ZNF475: variants seen among roughly 807,000 people sequenced by gnomAD.
ZNF475 encodes zinc finger protein 475.
chr5:122,172,665 T>C, the ZNF475 span, among the ~76,000 whole-genome samples: 3 of 152,232 alleles, frequency 2.0e-5, no homozygotes, highest in Non-Finnish European at 2.9e-5. Flanking sequence ...AACTCCCTTG[T>C]AAATAACATC....
At chr5:122,161,664 T>G in the ZNF475 span, among the ~76,000 whole-genome samples, 1 of 152,154 alleles carries the variant, frequency 6.6e-6, no homozygotes, top group African/African-American at 2.4e-5. Context: ...TCTCTTTAAT[T>G]ATATGCACTG....
chr5:122,174,542 A>G, the ZNF475 span, among the ~76,000 whole-genome samples: 2 of 152,220 alleles, frequency 1.3e-5, no homozygotes, highest in African/African-American at 2.4e-5. Context: ...CCACAAATAT[A>G]GAGCATGGGA....
At chr5:122,175,432 T>A in the ZNF475 span, among the ~76,000 whole-genome samples, 1 of 152,182 alleles carries the variant, frequency 6.6e-6, no homozygotes, top group Admixed American at 6.5e-5. Context: ...AAAGAGCATA[T>A]TGAAAAAAAG....
At chr5:122,175,034 G>A in the ZNF475 span, among the ~76,000 whole-genome samples, 1 of 152,004 alleles carries the variant, frequency 6.6e-6, no homozygotes, top group South Asian at 2.1e-4. Flanking sequence ...GAAAAAGAAG[G>A]ATAAATAACT....
chr5:122,174,400 T>C, the ZNF475 span, among the ~76,000 whole-genome samples: 1 of 152,200 alleles, frequency 6.6e-6, no homozygotes, highest in Non-Finnish European at 1.5e-5. Context: ...TTATCTCTGT[T>C]CAGACCCACG....
At chr5:122,171,902 C>G in the ZNF475 span, among the ~76,000 whole-genome samples, 1 of 152,030 alleles carries the variant, frequency 6.6e-6, no homozygotes, top group Non-Finnish European at 1.5e-5. Context: ...CCATGCCCAG[C>G]TAATTTTTAT....
the ZNF475 span, chr5:122,182,347 G>C: frequency 1.9e-5 from 11 of 584,624 alleles, no homozygotes; most frequent in Non-Finnish European, 1.4e-5. Flanking sequence ...TCAGTCAACA[G>C]GTATTTCCTG....
At chr5:122,169,203 G>A in the ZNF475 span, among the ~76,000 whole-genome samples, 2 of 152,114 alleles carry the variant, frequency 1.3e-5, no homozygotes, top group South Asian at 4.1e-4. Flanking sequence ...CTTGGCTGAG[G>A]GAGTTCTCCT....
chr5:122,174,206 C>T, the ZNF475 span, among the ~76,000 whole-genome samples: 1 of 152,136 alleles, frequency 6.6e-6, no homozygotes, highest in African/African-American at 2.4e-5. Context: ...CTCTCCATCC[C>T]CCACATATCC....
the ZNF475 span, chr5:122,179,792 G>C: frequency 8.5e-7 from 1 of 1,173,340 alleles, no homozygotes; most frequent in East Asian, 2.8e-5. Flanking sequence ...AAACTAATAA[G>C]AGCAGAAGTA....
the ZNF475 span, among the ~76,000 whole-genome samples, chr5:122,178,503 T>G: frequency 1.3e-5 from 2 of 152,268 alleles, no homozygotes; most frequent in African/African-American, 4.8e-5. Flanking sequence ...ATGAGTTTTT[T>G]CATATGTTTT....
At chr5:122,166,611 T>TTA in the ZNF475 span, among the ~76,000 whole-genome samples, 4 of 152,068 alleles carry the variant, frequency 2.6e-5, no homozygotes, top group African/African-American at 9.7e-5. Context: ...TCTGTCCTTG[T>TTA]GATTGCTGAA....
the ZNF475 span, among the ~76,000 whole-genome samples, chr5:122,164,593 C>T: frequency 6.6e-6 from 1 of 152,132 alleles, no homozygotes; most frequent in Non-Finnish European, 1.5e-5. Context: ...GGGTAACTCA[C>T]CCCAGCAGCC....
At chr5:122,182,482 A>G in the ZNF475 span, 20 of 1,436,344 alleles carry the variant, frequency 1.4e-5, no homozygotes, top group South Asian at 2.4e-4. Flanking sequence ...TTTTCCTTTA[A>G]CTTTCCAGCC....
At chr5:122,169,101 C>A in the ZNF475 span, among the ~76,000 whole-genome samples, 2 of 152,160 alleles carry the variant, frequency 1.3e-5, no homozygotes, top group Non-Finnish European at 2.9e-5. Context: ...CTCTAAGCAG[C>A]CTTCTTGTTT....
chr5:122,176,487 G>A, the ZNF475 span, among the ~76,000 whole-genome samples: 3 of 152,192 alleles, frequency 2.0e-5, no homozygotes, highest in East Asian at 5.8e-4. Flanking sequence ...TTTGTACTCT[G>A]TGCAAGTCTT....
the ZNF475 span, among the ~76,000 whole-genome samples, chr5:122,174,950 T>C: frequency 6.6e-6 from 1 of 152,214 alleles, no homozygotes; most frequent in African/African-American, 2.4e-5. Context: ...TTGTACTTTC[T>C]CTTAGGTCTT....
chr5:122,180,517 G>A, the ZNF475 span, among the ~76,000 whole-genome samples: 1 of 152,192 alleles, frequency 6.6e-6, no homozygotes, highest in South Asian at 2.1e-4. Flanking sequence ...TAGGGTATGA[G>A]AATAGTTAAG....
the ZNF475 span, among the ~76,000 whole-genome samples, chr5:122,177,551 A>G: frequency 1.3e-5 from 2 of 152,050 alleles, no homozygotes; most frequent in Admixed American, 6.6e-5. Flanking sequence ...GCTCTTTTTT[A>G]TTTCCTCTGA....
Sources: allele counts gnomAD v4.1 joint callset (sites outside exome capture counted in the v4.1 genomes callset), GRCh38; gene constraint gnomAD v4.1.1; transcripts MANE v1.5; gene names NCBI Gene and HGNC (gene_info 2026-07-23, HGNC 2026-07-21).